The following FSTL5 variants were observed in gnomAD, a reference collection of about 807,000 sequenced individuals.
The protein encoded by FSTL5 is follistatin like 5.
In FSTL5, 62 loss-of-function variants were observed where a neutral mutation model predicts 89.1. That is an observed-to-expected ratio of 0.70 (90% CI 0.57 to 0.86). FSTL5 has a LOEUF of 0.86. FSTL5 is among the 40% of genes least tolerant of loss of function. FSTL5 has a pLI of 0.00. For synonymous variants in FSTL5, 383 were observed against 346.2 expected, an observed-to-expected ratio of 1.11 and a Z score of -1.18; for missense variants, 1,057 against 1,001.6, an observed-to-expected ratio of 1.06 and a Z score of -0.75.
chr4:161,899,354 G>T (rs1252467248), intron 4 of FSTL5, among the ~76,000 whole-genome samples: 1 of 152,166 alleles, frequency 6.6e-6, no homozygotes, highest in African/African-American at 2.4e-5. Context: ...ATAGGCCCTA[G>T]TGCCCAGCTG....
intron 4 of FSTL5, among the ~76,000 whole-genome samples, chr4:161,786,988 T>A (rs1741928248): frequency 6.6e-6 from 1 of 152,134 alleles, no homozygotes. Context: ...TGAATATGCA[T>A]CATGTTTTAA....
intron 12 of FSTL5, among the ~76,000 whole-genome samples, chr4:161,491,525 G>A (rs1398552335): frequency 2.0e-5 from 3 of 151,850 alleles, no homozygotes; most frequent in Non-Finnish European, 2.9e-5. Context: ...TCTTTTTCAG[G>A]ATGGAAGCAA....
At chr4:162,131,374 A>C (rs17641597) in intron 1 of FSTL5, among the ~76,000 whole-genome samples, 8,223 of 152,264 alleles carry the variant, frequency 0.054, 379 homozygotes, top group East Asian at 0.25. Flanking sequence ...CAAACTATGG[A>C]TTGTGGGTAT....
At chr4:161,945,272 T>C (rs184830432) in intron 3 of FSTL5, among the ~76,000 whole-genome samples, 262 of 152,322 alleles carry the variant, frequency 1.7e-3, no homozygotes, top group African/African-American at 5.9e-3. Flanking sequence ...AATGATCTAA[T>C]TGCAACTTGT....
intron 12 of FSTL5, among the ~76,000 whole-genome samples, chr4:161,486,298 T>G (rs2126461904): frequency 6.6e-6 from 1 of 152,272 alleles, no homozygotes; most frequent in East Asian, 1.9e-4. Flanking sequence ...CTAACATGTA[T>G]ACATCCAACT....
intron 15 of FSTL5, among the ~76,000 whole-genome samples, chr4:161,413,853 G>A (rs143637974): frequency 2.0e-5 from 3 of 152,260 alleles, no homozygotes; most frequent in South Asian, 4.1e-4. Flanking sequence ...GTTCTCACCT[G>A]TAAGCGGTAG....
At chr4:161,513,932 G>GAC (rs1233230670) in intron 10 of FSTL5, among the ~76,000 whole-genome samples, 9 of 152,046 alleles carry the variant, frequency 5.9e-5, no homozygotes, top group African/African-American at 2.2e-4. Context: ...AAACCCCCAT[G>GAC]ACACACATTT....
intron 15 of FSTL5, among the ~76,000 whole-genome samples, chr4:161,449,349 C>A (rs181919102): frequency 6.6e-6 from 1 of 152,132 alleles, no homozygotes; most frequent in East Asian, 1.9e-4. Context: ...GAAATAAGAG[C>A]AATTTAAAGA....
chr4:161,810,237 T>A (rs990855126), intron 4 of FSTL5, among the ~76,000 whole-genome samples: 2 of 152,140 alleles, frequency 1.3e-5, no homozygotes, highest in Non-Finnish European at 2.9e-5. Context: ...TATTGTTAGA[T>A]ATAATGAGAT....
chr4:161,625,042 T>C (rs1735267547), intron 7 of FSTL5, among the ~76,000 whole-genome samples: 1 of 152,110 alleles, frequency 6.6e-6, no homozygotes, highest in South Asian at 2.1e-4. Flanking sequence ...GATTCTATGA[T>C]GGTTAATAGT....
chr4:161,422,545 C>T lies in FSTL5; in HGVS notation c.1841+32459G>A, dbSNP rs112255275. 2.1e-3 allele frequency among the ~76,000 whole-genome samples: 321 copies of T among 152,174 alleles called. 1 individual carries two copies. Among genetic ancestry groups the T allele is most frequent in the African/African-American group, 7.4e-3 (308 of 41,518 alleles). On this transcript the variant is annotated intron_variant, in intron 15 of 15. Transcript: ENST00000306100. ...GATCATAGAGAAGGTGATGATGGTG[C>T]CAAGAGAACTAAAAGCATGGAAGTG...
chr4:162,129,230 G>T (rs762819081), intron 1 of FSTL5, among the ~76,000 whole-genome samples: 32 of 152,230 alleles, frequency 2.1e-4, no homozygotes, highest in Middle Eastern at 3.4e-3. Flanking sequence ...ACGGCGCCTG[G>T]CCGAGACTTT....
intron 13 of FSTL5, among the ~76,000 whole-genome samples, chr4:161,476,534 T>C (rs1734157449): frequency 6.6e-6 from 1 of 152,132 alleles, no homozygotes; most frequent in Non-Finnish European, 1.5e-5. Flanking sequence ...TGTTTATTAT[T>C]GTAGGCCATC....
At chr4:161,911,020 T>G (rs1036402769) in intron 4 of FSTL5, among the ~76,000 whole-genome samples, 2 of 152,162 alleles carry the variant, frequency 1.3e-5, no homozygotes, top group Non-Finnish European at 2.9e-5. Flanking sequence ...TCCACACTTT[T>G]GCCTGTGAAC....
At chr4:162,102,111 A>T (rs1450247998) in intron 2 of FSTL5, among the ~76,000 whole-genome samples, 4 of 152,106 alleles carry the variant, frequency 2.6e-5, no homozygotes, top group Non-Finnish European at 4.4e-5. Context: ...TTCTTTAGCT[A>T]ATTATTATGA....
At chr4:162,107,159 A>G (rs140841191) in intron 2 of FSTL5, among the ~76,000 whole-genome samples, 1 of 152,324 alleles carries the variant, frequency 6.6e-6, no homozygotes, top group Non-Finnish European at 1.5e-5. Flanking sequence ...AAATTACTAC[A>G]AAAGTACTCA....
chr4:162,106,471 A>T (rs1229704367), intron 2 of FSTL5, among the ~76,000 whole-genome samples: 2 of 152,196 alleles, frequency 1.3e-5, no homozygotes, highest in African/African-American at 4.8e-5. Flanking sequence ...CCCCAAAAGG[A>T]TTTAACCAGC....
At chr4:161,447,857 C>G (rs767131964) in intron 15 of FSTL5, among the ~76,000 whole-genome samples, 2 of 152,054 alleles carry the variant, frequency 1.3e-5, no homozygotes, top group African/African-American at 4.8e-5. Flanking sequence ...TATATACACA[C>G]AGGCATATAT....
intron 12 of FSTL5, among the ~76,000 whole-genome samples, chr4:161,491,527 T>C (rs939517729): frequency 1.3e-5 from 2 of 151,906 alleles, no homozygotes; most frequent in Non-Finnish European, 2.9e-5. Context: ...TTTTTCAGGA[T>C]GGAAGCAATA....
Sources: gnomAD v4.1 joint callset for allele counts (sites outside exome capture counted in the v4.1 genomes callset) on GRCh38, gnomAD v4.1.1 for gene constraint, MANE v1.5 for transcripts, NCBI Gene and HGNC (gene_info 2026-07-23, HGNC 2026-07-21) for gene names.